Variants in PTCD1 observed in about 807,000 individuals in gnomAD.
PTCD1 encodes pentatricopeptide repeat domain 1.
Under a neutral mutation model 53.4 loss-of-function variants are expected in PTCD1, and 50 were observed. The ratio of observed to expected loss-of-function variants is 0.94; its 90% confidence interval spans 0.75 to 1.19. PTCD1 has a LOEUF of 1.19. PTCD1 is among the 50% of genes most tolerant of loss of function. PTCD1 has a pLI of 0.00. For missense variants in PTCD1, 918 were observed against 904.8 expected, an observed-to-expected ratio of 1.01 and a Z score of -0.19; for synonymous variants, 413 against 394.8, an observed-to-expected ratio of 1.05 and a Z score of -0.55.
chr7:99,433,758 A>G (rs1348260766), intron 2 of PTCD1, among the ~76,000 whole-genome samples: 1 of 152,202 alleles, frequency 6.6e-6, no homozygotes, highest in African/African-American at 2.4e-5. Flanking sequence ...TTTGGTGTGG[A>G]AAGTCAGACA....
Position 99,425,046 on chromosome 7 carries a change from C to T in PTCD1, c.1486G>A (p.Val496Met). 1 of 1,614,216 alleles carries T rather than the reference C, an allele frequency of 6.2e-7. No individual in the cohort carries two copies. The highest frequency in any genetic ancestry group is 2.2e-5 in the East Asian group (1 of 44,892). ...TCTGCAGGACTCCCGGACTCCACCA[C>T]CTCGGCCAGTAGCGTGAGGGTCCTG... ...DIRTLTLLAE[V>M]VESGSPAESL... is the part of the protein sequence containing the mutation. Residue 496 changes from valine (V) to methionine (M), a missense_variant, in exon 6 of 8, where the codon GTG becomes ATG. Transcript: ENST00000292478.
chr7:99,427,342 C>T (rs1348898068), intron 5 of PTCD1, among the ~76,000 whole-genome samples: 10 of 147,282 alleles, frequency 6.8e-5, no homozygotes, highest in South Asian at 4.3e-4. Context: ...CCGCCCCGTC[C>T]GGGAGGGAGG....
rs756690997 is a variant in PTCD1 at position 99,425,191 on chromosome 7, G to A, written c.1341C>T (p.Ala447=). 59 of 1,612,740 alleles carry A rather than the reference G, an allele frequency of 3.7e-5. No individual in the cohort carries two copies. The highest frequency in any genetic ancestry group is 2.9e-4 in the East Asian group (13 of 44,850). The change falls in exon 6 of 8, where the codon GCC becomes GCT. Residue 447 remains alanine, a synonymous_variant. Transcript: ENST00000292478. ...CAAAGGAGACCACTGTAGGGGGAAC[G>A]GCCCCGGGGGTCAGGAGGTTGACTT... ...ELEVNLLTPG[A]VPPTVVSFGT... is the part of the protein sequence containing the mutation.
intron 3 of PTCD1, among the ~76,000 whole-genome samples, chr7:99,431,807 G>A (rs1796263712): frequency 6.6e-6 from 1 of 152,170 alleles, no homozygotes; most frequent in East Asian, 1.9e-4. Context: ...GTAGAAAGAA[G>A]TAGACACAAG....
At position 99,425,666 on chromosome 7, in the gene PTCD1, G is replaced by T. The variant is rs751406918; in HGVS notation, c.916-50C>A. 6 of 1,565,894 alleles carry T rather than the reference G, an allele frequency of 3.8e-6. No homozygotes were observed. The South Asian group carries it at 5.8e-5, about 15-fold the overall frequency. On this transcript the variant is annotated intron_variant, in intron 5 of 7. Transcript: ENST00000292478. The stretch of plus-strand genomic sequence containing the variant: ...GCTGGGTGCTCCCATTCAGCAGCTG[G>T]GCGCAGGGCTCACGCCTGGAATCCC...
chr7:99,425,793 G>A (rs762113564), intron 5 of PTCD1, among the ~76,000 whole-genome samples, 177 bp from the exon 6 acceptor site: 1 of 152,046 alleles, frequency 6.6e-6, no homozygotes, highest in African/African-American at 2.4e-5. Context: ...TACGCCAGGC[G>A]CGGTGGCTCA....
At chr7:99,433,791 C>T (rs554773877) in intron 2 of PTCD1, among the ~76,000 whole-genome samples, 3 of 152,232 alleles carry the variant, frequency 2.0e-5, no homozygotes, top group East Asian at 1.9e-4. Context: ...CAGTGGCTCA[C>T]GCCTGTAATC....
chr7:99,420,348 C>G (rs1023718865), intron 7 of PTCD1, among the ~76,000 whole-genome samples, 199 bp from the exon 8 acceptor site: 7 of 152,192 alleles, frequency 4.6e-5, no homozygotes, highest in African/African-American at 1.7e-4. Flanking sequence ...GCTGGGTACC[C>G]TGGGGCAGGC....
chr7:99,424,075 C>T (rs1795929712), intron 6 of PTCD1, 118 bp from the exon 7 acceptor site: 2 of 1,404,412 alleles, frequency 1.4e-6, no homozygotes, highest in Admixed American at 2.0e-5. Context: ...GCAAGGCAAA[C>T]TTGGCAGCAA....
chr7:99,438,427 T>C, intron 1 of PTCD1: 1 of 806,778 alleles, frequency 1.2e-6, no homozygotes, highest in Non-Finnish European at 1.6e-6. Flanking sequence ...ATCGTACCCC[T>C]GTACTCCAGC....
rs371681130 is a variant in PTCD1 at position 99,423,988 on chromosome 7, T to C, written c.1738-31A>G. ...ACACAGGGACATCGTAGAATCAAGA[T>C]GATGGCAGCCATTGGGACCCAGCAG... On this transcript the variant is annotated intron_variant, in intron 6 of 7. Coordinates refer to ENST00000292478, the MANE Select transcript of PTCD1 (RefSeq NM_015545.4). 1.1e-5 allele frequency: 17 copies of C among 1,609,826 alleles called. No individual in the cohort carries two copies. In the African/African-American group the frequency reaches 2.1e-4, roughly 20 times the overall value.
Position 99,434,885 on chromosome 7 carries a change from C to G in PTCD1, c.358G>C (p.Glu120Gln). The change falls in exon 2 of 8, where the codon GAG becomes CAG. Residue 120 changes from glutamate to glutamine, a missense_variant. Transcript: ENST00000292478. Reference sequence around the variant, plus strand: ...AATTTGGGCTCCGGTTCCATTTGCTCATCTCTCCGTTCCCCAAACCGCAGG... The same window carrying G: ...AATTTGGGCTCCGGTTCCATTTGCTGATCTCTCCGTTCCCCAAACCGCAGG... Reference protein sequence around the residue: ...HNLRFGERRDEQMEPEPKLWR... With the variant: ...HNLRFGERRDQQMEPEPKLWR... 1 of 1,614,212 alleles carries G rather than the reference C, an allele frequency of 6.2e-7. No individual in the cohort carries two copies.
At chr7:99,430,028 G>A (rs933694415) in intron 3 of PTCD1, among the ~76,000 whole-genome samples, 1 of 152,166 alleles carries the variant, frequency 6.6e-6, no homozygotes, top group African/African-American at 2.4e-5. Context: ...TACCAAACAG[G>A]AGCTACCCTG....
chr7:99,435,323 CAGAA>C, intron 1 of PTCD1, 55 bp from the exon 2 acceptor site: 1 of 1,588,532 alleles, frequency 6.3e-7, no homozygotes, highest in Non-Finnish European at 8.5e-7. Context: ...TAACAAAAGG[CAGAA>C]AGAAAGAAGT....
At chr7:99,432,313 G>T (rs1796289660) in intron 3 of PTCD1, among the ~76,000 whole-genome samples, 1 of 152,226 alleles carries the variant, frequency 6.6e-6, no homozygotes, top group South Asian at 2.1e-4. Context: ...CAGATTGTGT[G>T]TTCTATTTAC....
intron 1 of PTCD1, among the ~76,000 whole-genome samples, chr7:99,437,207 A>G (rs376072895): frequency 2.0e-5 from 3 of 152,378 alleles, no homozygotes; most frequent in Admixed American, 6.5e-5. Context: ...CAAAACAAAA[A>G]GCAATGATAT....
intron 1 of PTCD1, among the ~76,000 whole-genome samples, chr7:99,438,169 A>C (rs1005001938): frequency 2.6e-5 from 4 of 151,988 alleles, no homozygotes; most frequent in Non-Finnish European, 5.9e-5. Flanking sequence ...CATGCCTGCA[A>C]TTCCAGCACT....
chr7:99,420,111 G>A lies in PTCD1; in HGVS notation c.1959C>T (p.Gly653=), dbSNP rs756379774. Residue 653 remains glycine, a synonymous_variant, in exon 8 of 8, where the codon GGC becomes GGT. Coordinates refer to ENST00000292478, the MANE Select transcript of PTCD1 (RefSeq NM_015545.4). The part of the protein sequence containing the change: ...GKNTYLEKID[G]FRAYYKQWLT... ...GCCACTGCTTGTAATAGGCTCGGAAGCCGTCAATCTTCTCCAGGTAGGTGT... is the reference window on the plus strand; with the variant it reads ...GCCACTGCTTGTAATAGGCTCGGAAACCGTCAATCTTCTCCAGGTAGGTGT... 11 of 1,614,076 alleles carry A rather than the reference G, an allele frequency of 6.8e-6. No individual in the cohort carries two copies. In the Admixed American group the frequency reaches 1.7e-4, roughly 24 times the overall value.
At position 99,418,077 on chromosome 7, in the gene PTCD1, C is replaced by T; in HGVS notation, c.*1890G>A. 1.3e-6 allele frequency: 1 copy of T among 788,468 alleles called. No homozygotes were observed. The highest frequency in any genetic ancestry group is 2.8e-5 in the South Asian group (1 of 36,186). The allele number at this position is 788,468 out of a possible 1,614,324, so 48.8% of individuals were successfully genotyped here. A position where few individuals can be genotyped will look rare whatever the true frequency, so the allele number is the denominator to read the frequency against. ...CCACCTCCCGGGTTCAAGCGGTTCT[C>T]CTGCCTCATCCTCCTGAGTAGCTGG... On this transcript the variant is annotated 3_prime_UTR_variant, in exon 8 of 8. Coordinates refer to ENST00000292478, the MANE Select transcript of PTCD1 (RefSeq NM_015545.4).
Sources: allele counts gnomAD v4.1 joint callset (sites outside exome capture counted in the v4.1 genomes callset), GRCh38; gene constraint gnomAD v4.1.1; transcripts MANE v1.5; gene names NCBI Gene and HGNC (gene_info 2026-07-23, HGNC 2026-07-21).